The following HEATR5A variants were observed in gnomAD, a reference collection of about 807,000 sequenced individuals.
The protein encoded by HEATR5A is HEAT repeat-containing protein 5A.
In HEATR5A, 178 loss-of-function variants were observed where a neutral mutation model predicts 218.8. The observed-to-expected ratio is 0.81, with a 90% CI of 0.72 to 0.92. The LOEUF (loss-of-function observed/expected upper bound fraction) is 0.92, where lower values mean the gene tolerates loss of function less well. HEATR5A is among the 40% of genes least tolerant of loss of function. The pLI is 0.00. For missense variants in HEATR5A, 2,420 were observed against 2,418.9 expected, an observed-to-expected ratio of 1.00 and a Z score of -0.01; for synonymous variants, 864 against 871.6, an observed-to-expected ratio of 0.99 and a Z score of 0.15.
At chr14:31,369,090 A>T (rs931393069) in intron 13 of HEATR5A, among the ~76,000 whole-genome samples, 6 of 152,030 alleles carry the variant, frequency 3.9e-5, no homozygotes, top group African/African-American at 1.2e-4. Context: ...TGAGCCTGGA[A>T]ATTTGAGACC....
rs1475509586 is a variant in HEATR5A, at chr14:31,388,967, C to T, written c.811G>A (p.Glu271Lys). The stretch of plus-strand genomic sequence containing the variant: ...CCTGTTCCTAGTAATTCCAGAACTT[C>T]CTCCAAAGATACTCTGCGAATGCTT... Reference protein sequence around the residue: ...RQSIRRVSLEEVLELLGTGFL... With the variant: ...RQSIRRVSLEKVLELLGTGFL... Residue 271 changes from glutamate to lysine, a missense_variant, in exon 7 of 36, where the codon GAA becomes AAA. Glu to Lys is a moderately conservative substitution (Grantham distance 56). Transcript: ENST00000543095. 3.1e-6 allele frequency: 5 copies of T among 1,613,524 alleles called. No homozygotes were observed. In the South Asian group the frequency reaches 5.5e-5, roughly 18 times the overall value.
chr14:31,383,645 C>T lies in HEATR5A; in HGVS notation c.1472G>A (p.Cys491Tyr), dbSNP rs1289276229. ...CTTATGTCCAGTAAGCCGTTCAAGG[C>T]AACGATCCAAGAGTGGTGTTAGGTA... ...PSYLTPLLDR[C>Y]LERLTGHKSS... Residue 491 changes from cysteine (C) to tyrosine (Y), a missense_variant, in exon 10 of 36, where the codon TGC becomes TAC. Coordinates refer to ENST00000543095, the MANE Select transcript of HEATR5A (RefSeq NM_015473.4). The T allele has an allele frequency of 1.2e-6, 2 of 1,613,812 alleles. No homozygotes were observed. The highest frequency in any genetic ancestry group is 8.5e-7 in the Non-Finnish European group (1 of 1,179,894).
At chr14:31,364,788 T>A (rs1361027815) in intron 13 of HEATR5A, among the ~76,000 whole-genome samples, 1 of 152,162 alleles carries the variant, frequency 6.6e-6, no homozygotes, top group Admixed American at 6.5e-5. Context: ...TATCTTCTGT[T>A]CACCTTTCCT....
At chr14:31,386,807 C>A (rs558178910) in intron 8 of HEATR5A, among the ~76,000 whole-genome samples, 2 of 152,248 alleles carry the variant, frequency 1.3e-5, no homozygotes, top group South Asian at 4.1e-4. Context: ...CCTTATTACT[C>A]CCTTAGCAAG....
In HEATR5A at chr14:31,359,022, C is replaced by A. The variant is rs377600250; in HGVS notation, c.2107G>T (p.Asp703Tyr). The A allele has an allele frequency of 6.9e-6, 11 of 1,589,830 alleles. No individual in the cohort carries two copies. Among genetic ancestry groups the A allele is most frequent in the Non-Finnish European group, 9.4e-6 (11 of 1,174,580 alleles). The change falls in exon 15 of 36, where the codon GAC (aspartate) becomes TAC (tyrosine). Residue 703 changes from aspartate to tyrosine, a missense_variant. Coordinates refer to ENST00000543095, the MANE Select transcript of HEATR5A (RefSeq NM_015473.4). ...LCAILRELAA[D>Y]LTAPDIQVAA... ...ACCTGAATATCAGGGGCAGTCAAGT[C>A]AGCAGCCAGCTCTCTGAGGATAGCA... is the stretch of plus-strand genomic sequence containing the variant.
At position 31,353,579 on chromosome 14, in the gene HEATR5A, GA is replaced by G. The variant is rs36037286; in HGVS notation, c.2412-2863del. Among the ~76,000 whole-genome samples, 1,312 of 151,740 alleles carry G rather than the reference GA, an allele frequency of 8.6e-3. 16 individuals are homozygous for G. Among genetic ancestry groups the G allele is most frequent in the African/African-American group, 0.029 (1,221 of 41,414 alleles). ...AGTGAGACCTTATCTCCACTAAAAA[GA>G]AAAAAAATTAGCCAGTGTATTGGTG... On this transcript the variant is annotated intron_variant, in intron 16 of 35. Coordinates refer to ENST00000543095, the MANE Select transcript of HEATR5A (RefSeq NM_015473.4).
intron 22 of HEATR5A, among the ~76,000 whole-genome samples, chr14:31,326,944 T>A (rs1468863201): frequency 6.6e-6 from 1 of 151,386 alleles, no homozygotes; most frequent in Non-Finnish European, 1.5e-5. Flanking sequence ...TGAACCCAGC[T>A]CAATACTTAC....
chr14:31,336,217 C>CATACAT (rs1900656136), intron 22 of HEATR5A, among the ~76,000 whole-genome samples: 2 of 38,210 alleles, frequency 5.2e-5, no homozygotes, highest in South Asian at 1.9e-3. Flanking sequence ...TACATACATA[C>CATACAT]ATATATATAT....
chr14:31,410,887 A>G (rs2031248152), intron 1 of HEATR5A, among the ~76,000 whole-genome samples: 1 of 152,212 alleles, frequency 6.6e-6, no homozygotes, highest in South Asian at 2.1e-4. Context: ...ATTCTGTATG[A>G]CCTTAATATT....
intron 1 of HEATR5A, among the ~76,000 whole-genome samples, chr14:31,405,349 G>A (rs571572155): frequency 1.3e-5 from 2 of 152,146 alleles, no homozygotes; most frequent in South Asian, 2.1e-4. Flanking sequence ...CAGGAGTATC[G>A]CTCGAGCCCT....
chr14:31,404,187 A>G lies in HEATR5A; in HGVS notation c.-74-1138T>C, dbSNP rs149284754. On this transcript the variant is annotated intron_variant, in intron 1 of 35. Coordinates refer to ENST00000543095, the MANE Select transcript of HEATR5A (RefSeq NM_015473.4). ...TATCATCAGGAACATTAAAGAACAT[A>G]GAAGGTACCAGATCATATACAAAAG... Among the ~76,000 whole-genome samples, 7 of 152,372 alleles carry G rather than the reference A, an allele frequency of 4.6e-5. 1 individual carries two copies. Among genetic ancestry groups the G allele is most frequent in the African/African-American group, 1.7e-4 (7 of 41,592 alleles).
chr14:31,309,055 A>T lies in HEATR5A; in HGVS notation c.4569T>A (p.Asp1523Glu). 1 of 1,613,962 alleles carries T rather than the reference A, an allele frequency of 6.2e-7. No homozygotes were observed. Among genetic ancestry groups the T allele is most frequent in the Non-Finnish European group, 8.5e-7 (1 of 1,179,866 alleles). ...GCCTGGAGAGATTAGATGCTCCTTC[A>T]TCTGGGTCAGCAACAACAAAACCCG... Reference protein sequence around the residue: ...TSTGFVVADPDEGASNLSRPV... With the variant: ...TSTGFVVADPEEGASNLSRPV... The change falls in exon 29 of 36, where the codon GAT (aspartate) becomes GAA (glutamate). Residue 1523 changes from aspartate (D) to glutamate (E), a missense_variant. Transcript: ENST00000543095.
At chr14:31,371,092 A>ACATTCATT (rs373966140) in intron 13 of HEATR5A, among the ~76,000 whole-genome samples, 180 of 152,290 alleles carry the variant, frequency 1.2e-3, no homozygotes, top group Middle Eastern at 6.8e-3. Flanking sequence ...GAACACAGCC[A>ACATTCATT]CATTCATTCA....
intron 22 of HEATR5A, among the ~76,000 whole-genome samples, chr14:31,336,250 A>ATATG (rs1555368092): frequency 2.2e-5 from 2 of 89,770 alleles, no homozygotes; most frequent in Non-Finnish European, 4.7e-5. Flanking sequence ...ATATATATAT[A>ATATG]TATATATATA....
chr14:31,409,049 C>A, intron 1 of HEATR5A, among the ~76,000 whole-genome samples: 1 of 2,306 alleles, frequency 4.3e-4, no homozygotes, highest in Non-Finnish European at 0.014. Flanking sequence ...AGCGAGACTC[C>A]GTCTCAAAAA....
intron 13 of HEATR5A, among the ~76,000 whole-genome samples, chr14:31,370,004 G>A (rs1901973183): frequency 6.6e-6 from 1 of 151,570 alleles, no homozygotes; most frequent in Non-Finnish European, 1.5e-5. Context: ...CGAGACAGGC[G>A]GATAACGGTC....
chr14:31,337,421 A>C (rs1280774158), intron 22 of HEATR5A, 55 bp downstream of exon 22: 13 of 1,452,142 alleles, frequency 9.0e-6, no homozygotes, highest in Non-Finnish European at 1.2e-5. Context: ...TATATGGAAA[A>C]TTTAAAATAA....
intron 3 of HEATR5A, among the ~76,000 whole-genome samples, chr14:31,399,112 G>T (rs771081343): frequency 1.3e-5 from 2 of 152,174 alleles, no homozygotes; most frequent in Non-Finnish European, 2.9e-5. Context: ...TATACATGGT[G>T]TAACAGAAGA....
At chr14:31,334,173 A>G (rs1418703905) in intron 22 of HEATR5A, 16 of 246,320 alleles carry the variant, frequency 6.5e-5, no homozygotes, top group Middle Eastern at 3.4e-3. Context: ...ATTATTTTCA[A>G]AATATTACTG....
Sources: allele counts gnomAD v4.1 joint callset (sites outside exome capture counted in the v4.1 genomes callset), GRCh38; gene constraint gnomAD v4.1.1; transcripts MANE v1.5; gene names NCBI Gene and HGNC (gene_info 2026-07-23, HGNC 2026-07-21).